The following DNAJC1 variants were observed in gnomAD, a reference collection of about 807,000 sequenced individuals.
DNAJC1 encodes dnaJ homolog subfamily C member 1.
Under a neutral mutation model 76.6 loss-of-function variants are expected in DNAJC1, and 58 were observed. The observed-to-expected ratio is 0.76, with a 90% CI of 0.61 to 0.94. The LOEUF is 0.94. Ranked by LOEUF, DNAJC1 falls within the 40% of genes least tolerant of loss-of-function variation. The pLI is 0.00. For synonymous variants in DNAJC1, 258 were observed against 267.9 expected, an observed-to-expected ratio of 0.96 and a Z score of 0.36; for missense variants, 689 against 677.3, an observed-to-expected ratio of 1.02 and a Z score of -0.19.
intron 1 of DNAJC1, among the ~76,000 whole-genome samples, chr10:22,002,447 G>A (rs549456436): frequency 6.6e-6 from 1 of 151,928 alleles, no homozygotes; most frequent in Non-Finnish European, 1.5e-5. Flanking sequence ...TTAAGCTATA[G>A]AAGAAAACGA....
chr10:21,848,262 C>T (rs562528281), intron 8 of DNAJC1, among the ~76,000 whole-genome samples: 29 of 152,094 alleles, frequency 1.9e-4, no homozygotes, highest in Non-Finnish European at 2.4e-4. Flanking sequence ...TGCCTTCTTT[C>T]GAAAAATGTC....
At chr10:21,822,075 T>C (rs1835169022) in intron 8 of DNAJC1, among the ~76,000 whole-genome samples, 1 of 152,198 alleles carries the variant, frequency 6.6e-6, no homozygotes, top group South Asian at 2.1e-4. Flanking sequence ...CTAATTACCA[T>C]TTTGAAAGCA....
chr10:21,908,260 T>G (rs1464780106), intron 6 of DNAJC1, among the ~76,000 whole-genome samples: 2 of 114,360 alleles, frequency 1.7e-5, no homozygotes, highest in Non-Finnish European at 3.4e-5. Context: ...AGAAAATATA[T>G]ATATATATTT....
At chr10:21,963,695 T>C (rs557434581) in intron 1 of DNAJC1, among the ~76,000 whole-genome samples, 1 of 152,310 alleles carries the variant, frequency 6.6e-6, no homozygotes, top group Admixed American at 6.5e-5. Flanking sequence ...TTTAAGTATG[T>C]CTCTTATAAA....
chr10:21,837,938 C>T (rs1258965637), intron 8 of DNAJC1, among the ~76,000 whole-genome samples: 3 of 132,650 alleles, frequency 2.3e-5, no homozygotes, highest in South Asian at 4.9e-4. Context: ...CCCCGCCCGG[C>T]CAGCCGCCCC....
chr10:21,790,010 TAAAAAAAAAAAAA>T (rs35639440), intron 9 of DNAJC1, among the ~76,000 whole-genome samples: 6 of 41,066 alleles, frequency 1.5e-4, no homozygotes, highest in African/African-American at 7.2e-4. Context: ...GCTCTGTCTT[TAAAAAAAAAAAAA>T]AAAAAAAAAA....
chr10:21,926,135 A>G (rs1017675722), intron 3 of DNAJC1, among the ~76,000 whole-genome samples: 1 of 152,134 alleles, frequency 6.6e-6, no homozygotes, highest in Non-Finnish European at 1.5e-5. Context: ...TATTTTTTGC[A>G]GAGACGAGGT....
intron 1 of DNAJC1, among the ~76,000 whole-genome samples, chr10:21,971,722 AC>A: frequency 6.6e-6 from 1 of 152,060 alleles, no homozygotes; most frequent in East Asian, 1.9e-4. Flanking sequence ...TTCTGCTAAA[AC>A]TGTCATTAAA....
intron 9 of DNAJC1, among the ~76,000 whole-genome samples, chr10:21,782,605 G>A (rs1287506282): frequency 2.0e-5 from 3 of 152,142 alleles, no homozygotes; most frequent in Admixed American, 1.3e-4. Context: ...CAAAAAAAGA[G>A]AATTTTAGAC....
intron 1 of DNAJC1, among the ~76,000 whole-genome samples, chr10:21,998,554 C>T (rs1368744064): frequency 6.6e-6 from 1 of 152,050 alleles, no homozygotes; most frequent in Non-Finnish European, 1.5e-5. Flanking sequence ...TTTTCCTACA[C>T]TCCTCTCTCA....
chr10:21,832,036 G>C (rs1269220757), intron 8 of DNAJC1, among the ~76,000 whole-genome samples: 1 of 152,034 alleles, frequency 6.6e-6, no homozygotes. Flanking sequence ...ATAAGAAAAT[G>C]ATCTGAAGTA....
chr10:21,926,346 T>G (rs1837129262), intron 3 of DNAJC1, among the ~76,000 whole-genome samples: 1 of 151,756 alleles, frequency 6.6e-6, no homozygotes, highest in African/African-American at 2.4e-5. Context: ...AAAATTCAAA[T>G]AATGCATCTG....
chr10:21,847,949 G>T (rs538655422), intron 8 of DNAJC1, among the ~76,000 whole-genome samples: 1 of 152,074 alleles, frequency 6.6e-6, no homozygotes, highest in South Asian at 2.1e-4. Context: ...TTGATACCCT[G>T]GTTTCCTTTC....
intron 6 of DNAJC1, among the ~76,000 whole-genome samples, chr10:21,916,996 G>C (rs1416986834): frequency 6.6e-6 from 1 of 151,908 alleles, no homozygotes; most frequent in Admixed American, 6.6e-5. Flanking sequence ...TTATCAAGAA[G>C]AAATAATTAG....
chr10:21,994,250 C>T (rs1838377127), intron 1 of DNAJC1, among the ~76,000 whole-genome samples: 1 of 152,166 alleles, frequency 6.6e-6, no homozygotes, highest in Non-Finnish European at 1.5e-5. Context: ...ATGCAGCAAG[C>T]TTTGAAGGCA....
At chr10:21,971,578 G>T (rs557239540) in intron 1 of DNAJC1, among the ~76,000 whole-genome samples, 1 of 151,726 alleles carries the variant, frequency 6.6e-6, no homozygotes, top group African/African-American at 2.4e-5. Flanking sequence ...CTTCCTTTGA[G>T]AAACATAAAA....
At chr10:21,818,332 A>G (rs1446364983) in intron 8 of DNAJC1, among the ~76,000 whole-genome samples, 7 of 152,184 alleles carry the variant, frequency 4.6e-5, no homozygotes, top group African/African-American at 1.4e-4. Context: ...ATTTTTGGTC[A>G]GACCAGTTGT....
chr10:21,812,220 A>T (rs1228835034), intron 8 of DNAJC1, among the ~76,000 whole-genome samples: 1 of 151,892 alleles, frequency 6.6e-6, no homozygotes, highest in Non-Finnish European at 1.5e-5. Context: ...CACCACGCCC[A>T]GCTAATTTTT....
chr10:21,864,404 G>C (rs1203805705), intron 8 of DNAJC1, among the ~76,000 whole-genome samples: 1 of 152,098 alleles, frequency 6.6e-6, no homozygotes, highest in African/African-American at 2.4e-5. Flanking sequence ...GGTGGATCAC[G>C]AGGTCAGGAG....
Sources: allele counts gnomAD v4.1 joint callset (sites outside exome capture counted in the v4.1 genomes callset), GRCh38; gene constraint gnomAD v4.1.1; transcripts MANE v1.5; gene names NCBI Gene and HGNC (gene_info 2026-07-23, HGNC 2026-07-21).